The following CEBPD variants were observed in gnomAD, a reference collection of about 807,000 sequenced individuals.
The protein encoded by CEBPD is CCAAT/enhancer-binding protein delta.
For missense variants in CEBPD, 410 were observed against 409.4 expected, an observed-to-expected ratio of 1.00 and a Z score of -0.01; for synonymous variants, 227 against 194.8, an observed-to-expected ratio of 1.17 and a Z score of -1.38.
At position 47,737,967 on chromosome 8, in the gene CEBPD, T is replaced by C. The variant is rs779666696; in HGVS notation, c.154A>G (p.Met52Val). Residue 52 changes from methionine to valine, a missense_variant, in exon 1 of 1, where the codon ATG becomes GTG. Met to Val is a conservative substitution (Grantham distance 21). Coordinates refer to ENST00000408965, the MANE Select transcript of CEBPD (RefSeq NM_005195.4). The stretch of plus-strand genomic sequence containing the variant: ...TCGATGGCGCTCTCGTCGTCGTACA[T>C]GGCGGGGGCGGCGGCGCCTGGCTCG... ...LGEPGAAAPAMYDDESAIDFS... is the reference protein window; with the variant it reads ...LGEPGAAAPAVYDDESAIDFS... 2.9e-5 allele frequency: 43 copies of C among 1,480,828 alleles called. No individual in the cohort carries two copies. The highest frequency in any genetic ancestry group is 3.9e-5 in the South Asian group (3 of 76,012). 91.7% of individuals were successfully genotyped at this position (1,480,828 alleles called of 1,614,324 possible).
At position 47,738,082 on chromosome 8, in the gene CEBPD, G is replaced by T; in HGVS notation, c.39C>A (p.Arg13=). The change falls in exon 1 of 1, where the codon CGC becomes CGA. Residue 13 remains arginine, a synonymous_variant. Transcript: ENST00000408965. The surrounding 1 kb of genome is among the most constrained non-coding windows in gnomAD (Gnocchi z 4.1). ...CAGGCTCCGCAGGCCAGGGCGCGCCGCGCGCCGGGCCGTCCAGGCTGAAGA... is the reference window on the plus strand; with the variant it reads ...CAGGCTCCGCAGGCCAGGGCGCGCCTCGCGCCGGGCCGTCCAGGCTGAAGA... ...AALFSLDGPA[R]GAPWPAEPAP... The T allele has an allele frequency of 8.4e-7, 1 of 1,193,220 alleles. No homozygotes were observed. The highest frequency in any genetic ancestry group is 4.1e-5 in the South Asian group (1 of 24,288). The allele number at this position is 1,193,220 out of a possible 1,614,324, so 73.9% of individuals were successfully genotyped here.
rs775280594 is a variant in CEBPD at position 47,737,788 on chromosome 8, C to G, written c.333G>C (p.Pro111=). The G allele has an allele frequency of 2.0e-5, 26 of 1,322,768 alleles. No individual in the cohort carries two copies. The highest frequency in any genetic ancestry group is 3.1e-5 in the African/African-American group (2 of 64,622). The allele number at this position is 1,322,768 out of a possible 1,614,324, so 81.9% of individuals were successfully genotyped here. A position where few individuals can be genotyped will look rare whatever the true frequency, so the allele number is the denominator to read the frequency against. The change falls in exon 1 of 1, where the codon CCG becomes CCC. Residue 111 remains proline (P), a synonymous_variant. Transcript: ENST00000408965. ...LPGGPARPLG[P]GPAAPRLLKR... is the part of the protein sequence containing the mutation. ...TGAGCAGGCGGGGAGCGGCAGGGCC[C>G]GGGCCCAAGGGGCGCGCGGGGCCGC...
rs1381307615 is a variant in CEBPD at position 47,737,772 on chromosome 8, G to C, written c.349C>G (p.Arg117Gly). The C allele has an allele frequency of 7.8e-7, 1 of 1,275,630 alleles. No individual in the cohort carries two copies. Among genetic ancestry groups the C allele is most frequent in the Non-Finnish European group, 9.9e-7 (1 of 1,014,752 alleles). The allele number at this position is 1,275,630 out of a possible 1,614,324, so 79.0% of individuals were successfully genotyped here. A position where few individuals can be genotyped will look rare whatever the true frequency, so the allele number is the denominator to read the frequency against. ...CAGTCGGGCTCGCGCTTGAGCAGGC[G>C]GGGAGCGGCAGGGCCCGGGCCCAAG... ...RPLGPGPAAPRLLKREPDWGD... is the reference protein window; with the variant it reads ...RPLGPGPAAPGLLKREPDWGD... The change falls in exon 1 of 1, where the codon CGC (arginine) becomes GGC (glycine). Residue 117 changes from arginine (R) to glycine (G), a missense_variant. Arg to Gly is a moderately radical substitution (Grantham distance 125, BLOSUM62 -2). Coordinates refer to ENST00000408965, the MANE Select transcript of CEBPD (RefSeq NM_005195.4).
In CEBPD at chr8:47,737,281, T is replaced by C. The variant is rs1422715952; in HGVS notation, c.*30A>G. ...GCCGTCGGGTCTGAGGTATGGGTCG[T>C]TGCTGAGTCTCTCCCGCCCCGGCCG... is the stretch of plus-strand genomic sequence containing the variant. On this transcript the variant is annotated 3_prime_UTR_variant, in exon 1 of 1. Transcript: ENST00000408965. 1 of 1,560,476 alleles carries C rather than the reference T, an allele frequency of 6.4e-7. No homozygotes were observed. Among genetic ancestry groups the C allele is most frequent in the Admixed American group, 1.8e-5 (1 of 56,084 alleles).
At position 47,737,825 on chromosome 8, in the gene CEBPD, TC is replaced by T; in HGVS notation, c.295del (p.Glu99SerfsTer49). 7.0e-7 allele frequency: 1 copy of T among 1,424,460 alleles called. No individual in the cohort carries two copies. Among genetic ancestry groups the T allele is most frequent in the Non-Finnish European group, 9.2e-7 (1 of 1,087,106 alleles). 88.2% of individuals were successfully genotyped at this position (1,424,460 alleles called of 1,614,324 possible). A position where few individuals can be genotyped will look rare whatever the true frequency, so the allele number is the denominator to read the frequency against. On this transcript the variant is annotated frameshift_variant, in exon 1 of 1. Coordinates refer to ENST00000408965, the MANE Select transcript of CEBPD (RefSeq NM_005195.4). LOFTEE classifies it low-confidence loss of function (END_TRUNC). ...NHKAGGAGPL[E>X]LLPGGPARPL... ...GCGCGCGGGGCCGCCGGGAAGAAGC[TC>T]CAGGGGCCCCGCGCCGCCCGCCTTG...
Position 47,737,932 on chromosome 8 carries a change from G to T in CEBPD, c.189C>A (p.Ala63=). 1 of 1,508,252 alleles carries T rather than the reference G, an allele frequency of 6.6e-7. No individual in the cohort carries two copies. 93.4% of individuals were successfully genotyped at this position (1,508,252 alleles called of 1,614,324 possible). A position where few individuals can be genotyped will look rare whatever the true frequency, so the allele number is the denominator to read the frequency against. Reference sequence around the variant, plus strand: ...GCACGGCGGCCATGGAGTCGATGTAGGCGCTGAAGTCGATGGCGCTCTCGT... The same window carrying T: ...GCACGGCGGCCATGGAGTCGATGTATGCGCTGAAGTCGATGGCGCTCTCGT... ...YDDESAIDFS[A]YIDSMAAVPT... is the part of the protein sequence containing the mutation. The change falls in exon 1 of 1, where the codon GCC becomes GCA. Residue 63 remains alanine, a synonymous_variant. Coordinates refer to ENST00000408965, the MANE Select transcript of CEBPD (RefSeq NM_005195.4).
rs925511420 is a variant in CEBPD at position 47,738,078 on chromosome 8, C to T, written c.43G>A (p.Ala15Thr). 1.7e-6 allele frequency: 2 copies of T among 1,194,822 alleles called. No homozygotes were observed. The highest frequency in any genetic ancestry group is 1.6e-5 in the African/African-American group (1 of 62,212). The allele number at this position is 1,194,822 out of a possible 1,614,324, so 74.0% of individuals were successfully genotyped here. ...LFSLDGPARG[A>T]PWPAEPAPFY... ...GGCGCAGGCTCCGCAGGCCAGGGCG[C>T]GCCGCGCGCCGGGCCGTCCAGGCTG... The change falls in exon 1 of 1, where the codon GCG becomes ACG. Residue 15 changes from alanine (A) to threonine (T), a missense_variant. Physicochemically the swap from Ala to Thr is moderately conservative, Grantham distance 58 (BLOSUM62 0). Coordinates refer to ENST00000408965, the MANE Select transcript of CEBPD (RefSeq NM_005195.4). This position sits in a 1 kb window ranked among gnomAD's most constrained non-coding sequence, Gnocchi z 4.1.
At position 47,737,163 on chromosome 8, in the gene CEBPD, G is replaced by T; in HGVS notation, c.*148C>A. The T allele has an allele frequency of 1.6e-6, 1 of 618,746 alleles. No individual in the cohort carries two copies. The highest frequency in any genetic ancestry group is 2.2e-5 in the South Asian group (1 of 44,634). The allele number at this position is 618,746 out of a possible 1,614,324, so 38.3% of individuals were successfully genotyped here. On this transcript the variant is annotated 3_prime_UTR_variant, in exon 1 of 1. Transcript: ENST00000408965. ...TCGCAGTTTAGTGGTGGTAAGTCCAGGCTGTAGCTTCTTTGCGCTCCTATG... is the reference window on the plus strand; with the variant it reads ...TCGCAGTTTAGTGGTGGTAAGTCCATGCTGTAGCTTCTTTGCGCTCCTATG...
At position 47,737,228 on chromosome 8, in the gene CEBPD, C is replaced by T. The variant is rs1345814105; in HGVS notation, c.*83G>A. ...AGCGGGCACCCGGCGGCTCTGGCTG[C>T]GCCAGGGCAGGGCGCGCTCCGCTCC... On this transcript the variant is annotated 3_prime_UTR_variant, in exon 1 of 1. Coordinates refer to ENST00000408965, the MANE Select transcript of CEBPD (RefSeq NM_005195.4). The T allele has an allele frequency of 9.1e-6, 12 of 1,315,446 alleles. No individual in the cohort carries two copies. In the East Asian group the frequency reaches 2.5e-4, roughly 27 times the overall value. The allele number at this position is 1,315,446 out of a possible 1,614,324, so 81.5% of individuals were successfully genotyped here. A position where few individuals can be genotyped will look rare whatever the true frequency, so the allele number is the denominator to read the frequency against.
Position 47,737,988 on chromosome 8 carries a change from G to T in CEBPD, c.133C>A (p.Pro45Thr). 6.9e-7 allele frequency: 1 copy of T among 1,456,896 alleles called. No individual in the cohort carries two copies. Among genetic ancestry groups the T allele is most frequent in the Non-Finnish European group, 9.1e-7 (1 of 1,099,704 alleles). 90.2% of individuals were successfully genotyped at this position (1,456,896 alleles called of 1,614,324 possible). A position where few individuals can be genotyped will look rare whatever the true frequency, so the allele number is the denominator to read the frequency against. ...TACATGGCGGGGGCGGCGGCGCCTG[G>T]CTCGCCTAGGGCCCCTGGCTCGGCC... ...RGAEPGALGEPGAAAPAMYDD... is the reference protein window; with the variant it reads ...RGAEPGALGETGAAAPAMYDD... Residue 45 changes from proline to threonine, a missense_variant, in exon 1 of 1, where the codon CCA (proline) becomes ACA (threonine). Coordinates refer to ENST00000408965, the MANE Select transcript of CEBPD (RefSeq NM_005195.4).
rs2086265334 is a variant in CEBPD, at chr8:47,737,217, G to A, written c.*94C>T. ...CAAGAAACTGCAGCGGGCACCCGGCGGCTCTGGCTGCGCCAGGGCAGGGCG... is the reference window on the plus strand; with the variant it reads ...CAAGAAACTGCAGCGGGCACCCGGCAGCTCTGGCTGCGCCAGGGCAGGGCG... On this transcript the variant is annotated 3_prime_UTR_variant, in exon 1 of 1. Coordinates refer to ENST00000408965, the MANE Select transcript of CEBPD (RefSeq NM_005195.4). The A allele has an allele frequency of 8.5e-7, 1 of 1,177,092 alleles. No homozygotes were observed. The highest frequency in any genetic ancestry group is 1.6e-5 in the African/African-American group (1 of 62,228). The allele number at this position is 1,177,092 out of a possible 1,614,324, so 72.9% of individuals were successfully genotyped here. A position where few individuals can be genotyped will look rare whatever the true frequency, so the allele number is the denominator to read the frequency against.
chr8:47,737,579 C>T lies in CEBPD; in HGVS notation c.542G>A (p.Ser181Asn), dbSNP rs780541037. The change falls in exon 1 of 1, where the codon AGC becomes AAC. Residue 181 changes from serine to asparagine, a missense_variant. Coordinates refer to ENST00000408965, the MANE Select transcript of CEBPD (RefSeq NM_005195.4). ...TPAPGPAREK[S>N]AGKRGPDRGS... Reference sequence around the variant, plus strand: ...GCGGTCCGGGCCCCTCTTGCCGGCGCTCTTCTCCCGGGCGGGGCCGGGCGC... The same window carrying T: ...GCGGTCCGGGCCCCTCTTGCCGGCGTTCTTCTCCCGGGCGGGGCCGGGCGC... 2.0e-6 allele frequency: 3 copies of T among 1,530,748 alleles called. No individual in the cohort carries two copies. The highest frequency in any genetic ancestry group is 4.0e-5 in the Admixed American group (2 of 49,408). The allele number at this position is 1,530,748 out of a possible 1,614,324, so 94.8% of individuals were successfully genotyped here.
rs2086285441 is a variant in CEBPD at position 47,737,946 on chromosome 8, T to C, written c.175A>G (p.Ile59Val). The C allele has an allele frequency of 2.0e-6, 3 of 1,500,914 alleles. No individual in the cohort carries two copies. Among genetic ancestry groups the C allele is most frequent in the African/African-American group, 1.4e-5 (1 of 69,266 alleles). 93.0% of individuals were successfully genotyped at this position (1,500,914 alleles called of 1,614,324 possible). ...APAMYDDESA[I>V]DFSAYIDSMA... ...GAGTCGATGTAGGCGCTGAAGTCGA[T>C]GGCGCTCTCGTCGTCGTACATGGCG... Residue 59 changes from isoleucine (I) to valine (V), a missense_variant, in exon 1 of 1, where the codon ATC becomes GTC. Transcript: ENST00000408965.
rs1013357162 is a variant in CEBPD, at chr8:47,737,754, G to C, written c.367C>G (p.Pro123Ala). Reference protein sequence around the residue: ...PAAPRLLKREPDWGDGDAPGS... With the variant: ...PAAPRLLKREADWGDGDAPGS... ...GGCGCGTCGCCGTCGCCCCAGTCGG[G>C]CTCGCGCTTGAGCAGGCGGGGAGCG... Residue 123 changes from proline (P) to alanine (A), a missense_variant, in exon 1 of 1, where the codon CCC (proline) becomes GCC (alanine). Pro to Ala is a conservative substitution (Grantham distance 27, BLOSUM62 -1). Coordinates refer to ENST00000408965, the MANE Select transcript of CEBPD (RefSeq NM_005195.4). 2 of 1,234,892 alleles carry C rather than the reference G, an allele frequency of 1.6e-6. No individual in the cohort carries two copies. The highest frequency in any genetic ancestry group is 2.0e-6 in the Non-Finnish European group (2 of 991,290). The allele number at this position is 1,234,892 out of a possible 1,614,324, so 76.5% of individuals were successfully genotyped here.
At position 47,737,839 on chromosome 8, in the gene CEBPD, G is replaced by C. The variant is rs748830463; in HGVS notation, c.282C>G (p.Gly94=). The change falls in exon 1 of 1, where the codon GGC becomes GGG. Residue 94 remains glycine (G), a synonymous_variant. Transcript: ENST00000408965. The stretch of plus-strand genomic sequence containing the variant: ...CGGGAAGAAGCTCCAGGGGCCCCGC[G>C]CCGCCCGCCTTGTGATTGCTGTTGA... ...DLFNSNHKAG[G]AGPLELLPGG... 1 of 1,457,122 alleles carries C rather than the reference G, an allele frequency of 6.9e-7. No individual in the cohort carries two copies. The highest frequency in any genetic ancestry group is 1.3e-5 in the South Asian group (1 of 74,612). The allele number at this position is 1,457,122 out of a possible 1,614,324, so 90.3% of individuals were successfully genotyped here.
Position 47,738,014 on chromosome 8 carries a change from C to T in CEBPD, c.107G>A (p.Gly36Glu). The change falls in exon 1 of 1, where the codon GGG (glycine) becomes GAG (glutamate). Residue 36 changes from glycine to glutamate, a missense_variant. Coordinates refer to ENST00000408965, the MANE Select transcript of CEBPD (RefSeq NM_005195.4). This position sits in a 1 kb window ranked among gnomAD's most constrained non-coding sequence, Gnocchi z 4.1. ...CTCGCCTAGGGCCCCTGGCTCGGCC[C>T]CGCGGCCCGGCTTGCCCGCCCGGCC... The part of the protein sequence containing the change: ...EPGRAGKPGR[G>E]AEPGALGEPG... The T allele has an allele frequency of 7.5e-7, 1 of 1,339,298 alleles. No individual in the cohort carries two copies. The highest frequency in any genetic ancestry group is 9.6e-7 in the Non-Finnish European group (1 of 1,041,698). 83.0% of individuals were successfully genotyped at this position (1,339,298 alleles called of 1,614,324 possible). A position where few individuals can be genotyped will look rare whatever the true frequency, so the allele number is the denominator to read the frequency against.
In CEBPD at chr8:47,737,898, C is replaced by T. The variant is rs2086284522; in HGVS notation, c.223G>A (p.Glu75Lys). Reference protein sequence around the residue: ...IDSMAAVPTLELCHDELFADL... With the variant: ...IDSMAAVPTLKLCHDELFADL... ...GCGAAGAGCTCGTCGTGGCACAGCT[C>T]CAGGGTGGGCACGGCGGCCATGGAG... Residue 75 changes from glutamate (E) to lysine (K), a missense_variant, in exon 1 of 1, where the codon GAG (glutamate) becomes AAG (lysine). By Grantham distance (56) the Glu-to-Lys change is moderately conservative. Transcript: ENST00000408965. 1 of 1,511,510 alleles carries T rather than the reference C, an allele frequency of 6.6e-7. No individual in the cohort carries two copies. Among genetic ancestry groups the T allele is most frequent in the Non-Finnish European group, 8.9e-7 (1 of 1,125,592 alleles). 93.6% of individuals were successfully genotyped at this position (1,511,510 alleles called of 1,614,324 possible). A position where few individuals can be genotyped will look rare whatever the true frequency, so the allele number is the denominator to read the frequency against.
Position 47,738,018 on chromosome 8 carries a change from G to A in CEBPD, c.103C>T (p.Arg35Cys). The A allele has an allele frequency of 7.5e-7, 1 of 1,324,894 alleles. No individual in the cohort carries two copies. 82.1% of individuals were successfully genotyped at this position (1,324,894 alleles called of 1,614,324 possible). A position where few individuals can be genotyped will look rare whatever the true frequency, so the allele number is the denominator to read the frequency against. Residue 35 changes from arginine to cysteine, a missense_variant, in exon 1 of 1, where the codon CGC becomes TGC. Transcript: ENST00000408965. This position sits in a 1 kb window ranked among gnomAD's most constrained non-coding sequence, Gnocchi z 4.1. ...CCTAGGGCCCCTGGCTCGGCCCCGC[G>A]GCCCGGCTTGCCCGCCCGGCCCGGT... Reference protein sequence around the residue: ...YEPGRAGKPGRGAEPGALGEP... With the variant: ...YEPGRAGKPGCGAEPGALGEP...
At position 47,737,733 on chromosome 8, in the gene CEBPD, C is replaced by T. The variant is rs1215474358; in HGVS notation, c.388G>A (p.Ala130Thr). The T allele has an allele frequency of 8.2e-7, 1 of 1,214,334 alleles. No individual in the cohort carries two copies. Among genetic ancestry groups the T allele is most frequent in the Non-Finnish European group, 1.0e-6 (1 of 978,636 alleles). The allele number at this position is 1,214,334 out of a possible 1,614,324, so 75.2% of individuals were successfully genotyped here. ...TGCGCGGGCAACAGCGAGCCGGGCG[C>T]GTCGCCGTCGCCCCAGTCGGGCTCG... ...KREPDWGDGD[A>T]PGSLLPAQVA... Residue 130 changes from alanine (A) to threonine (T), a missense_variant, in exon 1 of 1, where the codon GCG (alanine) becomes ACG (threonine). Ala to Thr is a moderately conservative substitution (Grantham distance 58, BLOSUM62 0). Coordinates refer to ENST00000408965, the MANE Select transcript of CEBPD (RefSeq NM_005195.4).
Sources: gnomAD v4.1 joint callset for allele counts on GRCh38, gnomAD v4.1.1 for gene constraint, Gnocchi (gnomAD v3.1) non-coding constraint, MANE v1.5 for transcripts, NCBI Gene and HGNC (gene_info 2026-07-23, HGNC 2026-07-21) for gene names.